CNTN4: variants seen among roughly 807,000 people sequenced by gnomAD.
CNTN4 encodes the protein contactin-4.
In CNTN4, 77 loss-of-function variants were observed where a neutral mutation model predicts 122.5. That is an observed-to-expected ratio of 0.63 (90% CI 0.52 to 0.76). The LOEUF (loss-of-function observed/expected upper bound fraction) is 0.76, where lower values mean the gene tolerates loss of function less well. CNTN4 is among the 30% of genes least tolerant of loss of function. The pLI is 0.00. For missense variants in CNTN4, 1,256 were observed against 1,259.1 expected, an observed-to-expected ratio of 1.00 and a Z score of 0.04; for synonymous variants, 512 against 447.0, an observed-to-expected ratio of 1.15 and a Z score of -1.83.
intron 3 of CNTN4, among the ~76,000 whole-genome samples, chr3:2,558,534 C>T (rs1442048528): frequency 2.6e-5 from 4 of 151,918 alleles, no homozygotes; most frequent in Non-Finnish European, 5.9e-5. Flanking sequence ...GTATTATGTC[C>T]CTCTCAGTGC....
intron 14 of CNTN4, among the ~76,000 whole-genome samples, chr3:3,008,420 C>T (rs183919660): frequency 6.6e-6 from 1 of 152,070 alleles, no homozygotes; most frequent in African/African-American, 2.4e-5. Flanking sequence ...AACAGCAAGC[C>T]AAAGAAAGAG....
At chr3:2,590,702 G>C (rs914286520) in intron 4 of CNTN4, among the ~76,000 whole-genome samples, 2 of 151,624 alleles carry the variant, frequency 1.3e-5, no homozygotes, top group African/African-American at 4.8e-5. Context: ...TCCTAACTCA[G>C]GGCCTTCATA....
chr3:2,565,672 C>G (rs1309513507), intron 3 of CNTN4, among the ~76,000 whole-genome samples: 1 of 152,174 alleles, frequency 6.6e-6, no homozygotes, highest in African/African-American at 2.4e-5. Context: ...CATGGACATT[C>G]AACAAATATC....
At chr3:2,695,185 T>A (rs539418924) in intron 4 of CNTN4, among the ~76,000 whole-genome samples, 2 of 152,308 alleles carry the variant, frequency 1.3e-5, no homozygotes, top group South Asian at 4.1e-4. Context: ...CTTTGTATAT[T>A]TGGGCCCTTT....
intron 2 of CNTN4, among the ~76,000 whole-genome samples, chr3:2,170,019 A>C (rs2036400098): frequency 6.6e-6 from 1 of 151,708 alleles, no homozygotes; most frequent in Non-Finnish European, 1.5e-5. Context: ...TAATACTTGC[A>C]AGAATCAAAA....
intron 2 of CNTN4, chr3:2,132,401 G>T (rs67249754): frequency 0.058 from 8,772 of 152,238 alleles, 434 homozygotes; most frequent in East Asian, 0.25. Context: ...TAAGTCACTA[G>T]GTTTCCCCGT....
intron 7 of CNTN4, among the ~76,000 whole-genome samples, chr3:2,822,206 A>G (rs2092890877): frequency 6.6e-6 from 1 of 152,216 alleles, no homozygotes; most frequent in African/African-American, 2.4e-5. Flanking sequence ...TCAAGTTAGT[A>G]TCAGAAGCAC....
intron 2 of CNTN4, among the ~76,000 whole-genome samples, chr3:2,284,138 A>G (rs1348970898): frequency 2.0e-5 from 3 of 152,166 alleles, no homozygotes; most frequent in Admixed American, 6.6e-5. Context: ...ATAGATGGCT[A>G]TATGAGGTTC....
rs1447027881 is a variant in CNTN4 at position 2,431,551 on chromosome 3, A to G, written c.-89+92318A>G. ...AATTGTGTGTAATTGACTTTTTTTA[A>G]AGAAGAAATTCCGTGGAATAGATAA... is the stretch of plus-strand genomic sequence containing the variant. On this transcript the variant is annotated intron_variant, in intron 3 of 24. Transcript: ENST00000418658. Among the ~76,000 whole-genome samples, 4 of 152,154 alleles carry G rather than the reference A, an allele frequency of 2.6e-5. No individual in the cohort carries two copies. The East Asian group carries it at 7.7e-4, about 29-fold the overall frequency.
chr3:2,524,643 C>G (rs1376129362), intron 3 of CNTN4, among the ~76,000 whole-genome samples: 1 of 152,096 alleles, frequency 6.6e-6, no homozygotes, highest in Non-Finnish European at 1.5e-5. Context: ...AACTATCCCT[C>G]TTATTTTTTT....
chr3:2,329,461 T>C (rs1367342786), intron 2 of CNTN4, among the ~76,000 whole-genome samples: 1 of 152,232 alleles, frequency 6.6e-6, no homozygotes, highest in African/African-American at 2.4e-5. Flanking sequence ...GAAAGCCAGG[T>C]CATGCTTTAC....
chr3:2,522,491 T>C (rs2077256971), intron 3 of CNTN4, among the ~76,000 whole-genome samples: 1 of 152,132 alleles, frequency 6.6e-6, no homozygotes, highest in Admixed American at 6.6e-5. Context: ...TCATAATTAA[T>C]TTCACAATAC....
intron 4 of CNTN4, among the ~76,000 whole-genome samples, chr3:2,662,210 A>T (rs763470282): frequency 6.6e-6 from 1 of 152,226 alleles, no homozygotes; most frequent in Non-Finnish European, 1.5e-5. Flanking sequence ...CTAGAAATTA[A>T]GATATTTCCC....
intron 3 of CNTN4, among the ~76,000 whole-genome samples, chr3:2,344,609 G>T (rs1448755369): frequency 6.6e-6 from 1 of 151,994 alleles, no homozygotes; most frequent in East Asian, 1.9e-4. Flanking sequence ...AGGATTCATG[G>T]TTTCATACTG....
intron 2 of CNTN4, among the ~76,000 whole-genome samples, chr3:2,295,127 G>A (rs1392431232): frequency 6.7e-6 from 1 of 149,108 alleles, no homozygotes; most frequent in African/African-American, 2.5e-5. Flanking sequence ...GAATAGTGCT[G>A]CAATAAACAT....
chr3:2,512,085 G>T (rs895589236), intron 3 of CNTN4, among the ~76,000 whole-genome samples: 14 of 152,050 alleles, frequency 9.2e-5, no homozygotes, highest in African/African-American at 3.4e-4. Context: ...CTGTATAAAA[G>T]AAGTGCCTGT....
intron 3 of CNTN4, among the ~76,000 whole-genome samples, chr3:2,495,365 GACC>G (rs1430534252): frequency 6.6e-6 from 1 of 152,098 alleles, no homozygotes; most frequent in Non-Finnish European, 1.5e-5. Flanking sequence ...ATCACATCTA[GACC>G]ACCATTAAAT....
chr3:2,880,812 C>T (rs139584962), intron 8 of CNTN4, among the ~76,000 whole-genome samples: 1 of 152,032 alleles, frequency 6.6e-6, no homozygotes, highest in Non-Finnish European at 1.5e-5. Context: ...AAAGATAAAC[C>T]GTTTAACTCT....
chr3:2,358,386 A>G (rs566748725), intron 3 of CNTN4, among the ~76,000 whole-genome samples: 5 of 152,212 alleles, frequency 3.3e-5, no homozygotes, highest in African/African-American at 9.6e-5. Context: ...AGCACTCAGC[A>G]AATATTCTTT....
Sources: gnomAD v4.1 joint callset for allele counts (sites outside exome capture counted in the v4.1 genomes callset) on GRCh38, gnomAD v4.1.1 for gene constraint, MANE v1.5 for transcripts, NCBI Gene and HGNC (gene_info 2026-07-23, HGNC 2026-07-21) for gene names.